SARDH: variants seen among roughly 807,000 people sequenced by gnomAD.
The protein encoded by SARDH is sarcosine dehydrogenase, also known as sarcosine dehydrogenase, mitochondrial.
A neutral mutation model predicts 109.1 loss-of-function variants in SARDH; 95 were observed. That is an observed-to-expected ratio of 0.87 (90% confidence interval 0.74 to 1.03). The LOEUF is 1.03. Ranked by LOEUF, SARDH falls within the 50% of genes least tolerant of loss-of-function variation. SARDH has a pLI of 0.00. For missense variants in SARDH, 1,267 were observed against 1,287.8 expected, an observed-to-expected ratio of 0.98 and a Z score of 0.25; for synonymous variants, 572 against 534.8, an observed-to-expected ratio of 1.07 and a Z score of -0.96.
chr9:133,669,359 C>T (rs115697671), intron 19 of SARDH, among the ~76,000 whole-genome samples: 1 of 129,480 alleles, frequency 7.7e-6, no homozygotes, highest in African/African-American at 3.2e-5. Context: ...CCCCTCGTCA[C>T]TCTGACACTC....
rs1455135625 is a variant in SARDH, at chr9:133,694,518, C to G, written c.1808-147G>C. 3 of 712,162 alleles carry G rather than the reference C, an allele frequency of 4.2e-6. No individual in the cohort carries two copies. In the African/African-American group the frequency reaches 5.4e-5, roughly 13 times the overall value. The allele number at this position is 712,162 out of a possible 1,614,324, so 44.1% of individuals were successfully genotyped here. On this transcript the variant is annotated intron_variant, in intron 14 of 20. Coordinates refer to ENST00000439388, the MANE Select transcript of SARDH (RefSeq NM_001134707.2). ...ACAGGATGCCCTACTGGGAGGTGAC[C>G]TGGAGAGCTCCTCAGCCCAGGGATG...
intron 17 of SARDH, among the ~76,000 whole-genome samples, chr9:133,671,935 G>A (rs1000196411): frequency 6.6e-6 from 1 of 152,208 alleles, no homozygotes; most frequent in African/African-American, 2.4e-5. Flanking sequence ...TGGCAGGTTT[G>A]CTATCTGCAG....
chr9:133,662,859 G>A (rs564408575), downstream of SARDH, among the ~76,000 whole-genome samples: 2 of 152,332 alleles, frequency 1.3e-5, no homozygotes, highest in African/African-American at 4.8e-5. The surrounding 1 kb of genome is among the most constrained non-coding windows in gnomAD (Gnocchi z 5.1). Flanking sequence ...GGGCTCGGGG[G>A]GACAAGGGAG....
Position 133,717,408 on chromosome 9 carries a change from C to A in SARDH, c.1068G>T (p.Val356=). 6.2e-7 allele frequency: 1 copy of A among 1,614,158 alleles called. No individual in the cohort carries two copies. Among genetic ancestry groups the A allele is most frequent in the Non-Finnish European group, 8.5e-7 (1 of 1,180,008 alleles). Residue 356 remains valine (V), a synonymous_variant, in exon 8 of 21, where the codon GTG becomes GTT. Transcript: ENST00000439388. ...TGGCGCCTTCAATGTGCTGGGTGAACACCTCCCAGTCCAGGTCAAAGAGGC... is the reference window on the plus strand; with the variant it reads ...TGGCGCCTTCAATGTGCTGGGTGAAAACCTCCCAGTCCAGGTCAAAGAGGC... The part of the protein sequence containing the change: ...AFGLFDLDWE[V]FTQHIEGAIN...
In SARDH at chr9:133,666,990, A is replaced by C. The variant is rs549806971; in HGVS notation, c.2496-120T>G. On this transcript the variant is annotated intron_variant, in intron 19 of 20. Transcript: ENST00000439388. This position sits in a 1 kb window ranked among gnomAD's most constrained non-coding sequence, Gnocchi z 5.2. ...CACACCCAACCGTGGCTCCAGGCAG[A>C]TAGGGCTGGCCTACTAGGACTACGC... 2.2e-6 allele frequency: 3 copies of C among 1,369,536 alleles called. No individual in the cohort carries two copies. Among genetic ancestry groups the C allele is most frequent in the South Asian group, 2.5e-5 (2 of 80,286 alleles). The allele number at this position is 1,369,536 out of a possible 1,614,324, so 84.8% of individuals were successfully genotyped here.
chr9:133,703,398 A>G (rs924446914), intron 12 of SARDH: 2 of 300,122 alleles, frequency 6.7e-6, no homozygotes, highest in Admixed American at 4.2e-5. Context: ...GCTCTGGGCC[A>G]GCCCCTGCGG....
intron 12 of SARDH, 113 bp from the exon 13 acceptor site, chr9:133,703,142 G>T (rs1831555495): frequency 1.1e-6 from 1 of 906,656 alleles, no homozygotes; most frequent in Non-Finnish European, 1.7e-6. Context: ...CCTGCCCTCG[G>T]AGAGCCCTGC....
intron 17 of SARDH, among the ~76,000 whole-genome samples, chr9:133,678,242 C>A (rs528599266): frequency 1.3e-5 from 2 of 152,320 alleles, no homozygotes; most frequent in South Asian, 4.1e-4. Context: ...AGGCTCGAGG[C>A]TCATCTGCGG....
At chr9:133,684,672 C>G (rs756687) in intron 17 of SARDH, among the ~76,000 whole-genome samples, 72,562 of 152,054 alleles carry the variant, frequency 0.48, 19,745 homozygotes, top group African/African-American at 0.76. Context: ...CCCCAGGATA[C>G]AGGCTTTCTA....
At chr9:133,710,483 G>A (rs1831876884) in intron 10 of SARDH, among the ~76,000 whole-genome samples, 1 of 152,230 alleles carries the variant, frequency 6.6e-6, no homozygotes, top group South Asian at 2.1e-4. Context: ...CTCCCGGGAC[G>A]CCCCCTCGCT....
Position 133,712,709 on chromosome 9 carries a change from C to A in SARDH, c.1238G>T (p.Gly413Val), listed in dbSNP as rs1831969769. The A allele has an allele frequency of 2.5e-6, 4 of 1,608,170 alleles. No individual in the cohort carries two copies. The East Asian group carries it at 8.9e-5, about 36-fold the overall frequency. ...CCCACAGCCACCACCCAGCATCATT[C>A]CTGGCAGGAAGAGAAGCGCAGGGCT... Reference protein sequence around the residue: ...FFLGCGFNSAGMMLGGGCGQE... With the variant: ...FFLGCGFNSAVMMLGGGCGQE... Residue 413 changes from glycine (G) to valine (V), a missense_variant and splice_region_variant, in exon 10 of 21, where the codon GGA becomes GTA. Transcript: ENST00000439388. The surrounding 1 kb of genome is among the most constrained non-coding windows in gnomAD (Gnocchi z 4.1).
intron 13 of SARDH, among the ~76,000 whole-genome samples, chr9:133,696,948 G>A (rs1831309115): frequency 6.6e-6 from 1 of 152,008 alleles, no homozygotes; most frequent in South Asian, 2.1e-4. Flanking sequence ...CCCAAAGCAA[G>A]CAGAAGGAAT....
chr9:133,720,207 A>G (rs1270020108), intron 6 of SARDH, among the ~76,000 whole-genome samples: 1 of 152,024 alleles, frequency 6.6e-6, no homozygotes, highest in African/African-American at 2.4e-5. Flanking sequence ...TGGGTGAATC[A>G]CCTGAGGTCA....
intron 17 of SARDH, among the ~76,000 whole-genome samples, chr9:133,684,310 G>A (rs1209536011): frequency 6.6e-6 from 1 of 152,242 alleles, no homozygotes; most frequent in Admixed American, 6.5e-5. Context: ...TCCTCCAAAC[G>A]TCAGTAGTGC....
At chr9:133,715,428 G>T (rs528349677) in intron 8 of SARDH, among the ~76,000 whole-genome samples, 1 of 152,178 alleles carries the variant, frequency 6.6e-6, no homozygotes, top group Non-Finnish European at 1.5e-5. Context: ...AAGCTGCGGG[G>T]TGGGGGCAGT....
intron 13 of SARDH, among the ~76,000 whole-genome samples, chr9:133,699,030 C>A (rs1195732159): frequency 2.0e-5 from 3 of 152,156 alleles, no homozygotes; most frequent in African/African-American, 7.2e-5. Flanking sequence ...TGTAACTAAA[C>A]TATAAAAAAA....
intron 16 of SARDH, 68 bp from the exon 17 acceptor site, chr9:133,685,354 C>A (rs9409845): frequency 1.1e-5 from 14 of 1,311,194 alleles, no homozygotes; most frequent in Non-Finnish European, 1.5e-5. Flanking sequence ...GGAAAGGCCC[C>A]GGGGACCTGC....
chr9:133,713,432 T>C (rs904339636), intron 8 of SARDH, among the ~76,000 whole-genome samples: 5 of 152,208 alleles, frequency 3.3e-5, no homozygotes, highest in Admixed American at 6.5e-5. Flanking sequence ...TCTCTGACCC[T>C]GGAGACCATG....
chr9:133,683,596 G>T (rs1830776186), intron 17 of SARDH, among the ~76,000 whole-genome samples: 1 of 152,174 alleles, frequency 6.6e-6, no homozygotes, highest in East Asian at 1.9e-4. Flanking sequence ...CACCACAGAG[G>T]CAGGAAGCAA....
Sources: gnomAD v4.1 joint callset for allele counts (sites outside exome capture counted in the v4.1 genomes callset) on GRCh38, gnomAD v4.1.1 for gene constraint, Gnocchi (gnomAD v3.1) non-coding constraint, MANE v1.5 for transcripts, NCBI Gene and HGNC (gene_info 2026-07-23, HGNC 2026-07-21) for gene names.